Variants in RASAL2 observed in about 807,000 individuals in gnomAD.
RASAL2 encodes ras GTPase-activating protein nGAP.
RASAL2 carries 58 observed loss-of-function variants against 128.9 expected under a neutral mutation model. The observed-to-expected ratio is 0.45, with a 90% CI of 0.36 to 0.56. RASAL2 has a LOEUF of 0.56. Ranked by LOEUF, RASAL2 falls within the 20% of genes least tolerant of loss-of-function variation. The pLI, the probability that RASAL2 is intolerant of heterozygous loss-of-function variation, is 0.00. For synonymous variants in RASAL2, 561 were observed against 580.8 expected (o/e 0.97, Z 0.49); for missense variants, 1,360 against 1,601.6 (o/e 0.85, Z 2.57).
chr1:178,465,361 A>G (rs1426539641), intron 15 of RASAL2, among the ~76,000 whole-genome samples: 4 of 152,172 alleles, frequency 2.6e-5, no homozygotes, highest in Non-Finnish European at 4.4e-5. Context: ...TGGGCTTAAC[A>G]TTATAGAAAT....
chr1:178,238,904 G>A (rs1009239193), intron 1 of RASAL2, among the ~76,000 whole-genome samples: 3 of 151,952 alleles, frequency 2.0e-5, no homozygotes, highest in Non-Finnish European at 4.4e-5. Flanking sequence ...GTCTTTGTGA[G>A]GAAGCAAAGA....
chr1:178,137,575 T>G (rs77023285), intron 1 of RASAL2, among the ~76,000 whole-genome samples: 5 of 152,138 alleles, frequency 3.3e-5, no homozygotes, highest in African/African-American at 9.7e-5. Context: ...TTGCCTATGC[T>G]TCTGTCATCT....
intron 2 of RASAL2, among the ~76,000 whole-genome samples, chr1:178,288,177 G>A (rs370600107): frequency 6.6e-6 from 1 of 152,020 alleles, no homozygotes. Flanking sequence ...GCTGCTTCTC[G>A]GTTTCTGTAC....
chr1:178,194,719 A>G (rs534703001), intron 1 of RASAL2: 15 of 176,752 alleles, frequency 8.5e-5, no homozygotes, highest in Non-Finnish European at 1.7e-4. Flanking sequence ...TCTTTTACCC[A>G]ACGCCGAAGT....
intron 4 of RASAL2, among the ~76,000 whole-genome samples, chr1:178,405,720 G>C (rs1008912225): frequency 1.3e-5 from 2 of 152,190 alleles, no homozygotes; most frequent in African/African-American, 4.8e-5. Flanking sequence ...CTGATCGATA[G>C]AACTGTAAGA....
chr1:178,145,910 T>C (rs1660718034), intron 1 of RASAL2, among the ~76,000 whole-genome samples: 1 of 152,122 alleles, frequency 6.6e-6, no homozygotes, highest in South Asian at 2.1e-4. Context: ...CTCACACACA[T>C]AGTCATACCT....
At chr1:178,210,290 A>G (rs907241462) in intron 1 of RASAL2, among the ~76,000 whole-genome samples, 1 of 152,200 alleles carries the variant, frequency 6.6e-6, no homozygotes, top group Non-Finnish European at 1.5e-5. Context: ...TATTGTAAAC[A>G]TATAATTATA....
Position 178,468,674 on chromosome 1 carries a change from C to T in RASAL2, c.3678+1253C>T, listed in dbSNP as rs141205874. Among the ~76,000 whole-genome samples the T allele has an allele frequency of 5.2e-3, 787 of 152,238 alleles. 25 individuals are homozygous for T. The highest frequency in any genetic ancestry group is 0.047 in the Admixed American group (720 of 15,300). On this transcript the variant is annotated intron_variant, in intron 17 of 17. Transcript: ENST00000367649. ...TATAGTTTCTGGATACTTAGACATG[C>T]GGAGAATCAGAAGAAAGGTCTGTAG...
At chr1:178,143,422 C>T (rs1300321428) in intron 1 of RASAL2, among the ~76,000 whole-genome samples, 1 of 151,670 alleles carries the variant, frequency 6.6e-6, no homozygotes, top group Non-Finnish European at 1.5e-5. Context: ...TTTATTCAGG[C>T]CTTTGCTGCA....
intron 1 of RASAL2, among the ~76,000 whole-genome samples, chr1:178,250,646 G>T (rs1665005301): frequency 6.6e-6 from 1 of 152,182 alleles, no homozygotes; most frequent in Non-Finnish European, 1.5e-5. Flanking sequence ...CCCGCCTTCT[G>T]CGTTGGTCTC....
chr1:178,174,092 T>G (rs1412031204), intron 1 of RASAL2, among the ~76,000 whole-genome samples: 1 of 152,144 alleles, frequency 6.6e-6, no homozygotes, highest in African/African-American at 2.4e-5. Context: ...TTGTTACTTA[T>G]TCTAAAAAGT....
intron 1 of RASAL2, among the ~76,000 whole-genome samples, chr1:178,106,638 T>G (rs1307689356): frequency 3.9e-5 from 6 of 152,202 alleles, no homozygotes; most frequent in African/African-American, 1.2e-4. Context: ...GAAAATAAAA[T>G]TTATATTCCT....
At chr1:178,344,614 G>T (rs1051971536) in intron 3 of RASAL2, among the ~76,000 whole-genome samples, 4 of 152,100 alleles carry the variant, frequency 2.6e-5, no homozygotes, top group African/African-American at 9.7e-5. Flanking sequence ...CTCTTCTGTT[G>T]TTTCACGCTC....
intron 5 of RASAL2, among the ~76,000 whole-genome samples, chr1:178,426,956 T>G (rs1489347005): frequency 6.6e-6 from 1 of 152,086 alleles, no homozygotes; most frequent in African/African-American, 2.4e-5. Context: ...GAGAGACCAG[T>G]TAACAAAAAG....
intron 4 of RASAL2, among the ~76,000 whole-genome samples, chr1:178,407,328 C>G (rs1268582205): frequency 6.6e-6 from 1 of 152,006 alleles, no homozygotes; most frequent in Non-Finnish European, 1.5e-5. Context: ...CTCCTTTTTC[C>G]TTGTTAATTT....
intron 4 of RASAL2, among the ~76,000 whole-genome samples, chr1:178,417,465 T>C (rs1674834324): frequency 1.3e-5 from 2 of 152,094 alleles, no homozygotes; most frequent in African/African-American, 4.8e-5. Flanking sequence ...AGGTATGATA[T>C]GATATGTGCC....
chr1:178,170,612 ATTTCT>A (rs1034257888), intron 1 of RASAL2, among the ~76,000 whole-genome samples: 1 of 151,392 alleles, frequency 6.6e-6, no homozygotes, highest in African/African-American at 2.4e-5. Context: ...TTCTTTGTTC[ATTTCT>A]TAAAGTTGTT....
intron 1 of RASAL2, among the ~76,000 whole-genome samples, chr1:178,113,160 A>G (rs1234883792): frequency 6.6e-6 from 1 of 152,072 alleles, no homozygotes; most frequent in Non-Finnish European, 1.5e-5. Context: ...AATGTAATAT[A>G]TGTGTGGGTT....
intron 1 of RASAL2, among the ~76,000 whole-genome samples, chr1:178,254,423 C>G (rs1021200245): frequency 1.3e-5 from 2 of 152,186 alleles, no homozygotes; most frequent in Admixed American, 1.3e-4. Context: ...AGTCTATCTG[C>G]TGATCCATTT....
Sources: allele counts gnomAD v4.1 joint callset (sites outside exome capture counted in the v4.1 genomes callset), GRCh38; gene constraint gnomAD v4.1.1; transcripts MANE v1.5; gene names NCBI Gene and HGNC (gene_info 2026-07-23, HGNC 2026-07-21).